The following MME variants were observed in gnomAD, a reference collection of about 807,000 sequenced individuals.
MME encodes the protein membrane metalloendopeptidase.
Under a neutral mutation model 113.2 loss-of-function variants are expected in MME, and 98 were observed. The observed-to-expected ratio is 0.87, with a 90% CI of 0.74 to 1.02. The LOEUF is 1.02. MME is among the 50% of genes least tolerant of loss of function. MME has a pLI of 0.00. For synonymous variants in MME, 292 were observed against 300.6 expected (o/e 0.97, Z 0.30); for missense variants, 836 against 896.0 (o/e 0.93, Z 0.86).
At chr3:155,151,194 A>G (rs908080899) in intron 16 of MME, among the ~76,000 whole-genome samples, 1 of 152,174 alleles carries the variant, frequency 6.6e-6, no homozygotes. Context: ...ACTTGTCCAC[A>G]TAGCCCGTAG....
chr3:155,088,639 C>T lies in MME; in HGVS notation c.196+3545C>T, dbSNP rs752765644. Reference sequence around the variant, plus strand: ...TGGAGGTTGCAGTGAGCTGAGATTGCGCCATTGCACTACAGCCTGGGCAAC... The same window carrying T: ...TGGAGGTTGCAGTGAGCTGAGATTGTGCCATTGCACTACAGCCTGGGCAAC... On this transcript the variant is annotated intron_variant, in intron 3 of 22. Transcript: ENST00000360490. Among the ~76,000 whole-genome samples the T allele has an allele frequency of 4.8e-5, 7 of 146,386 alleles. No homozygotes were observed. In the East Asian group the frequency reaches 8.1e-4, roughly 17 times the overall value.
chr3:155,094,487 A>T (rs972587028), intron 3 of MME, among the ~76,000 whole-genome samples: 1 of 152,226 alleles, frequency 6.6e-6, no homozygotes, highest in Non-Finnish European at 1.5e-5. Flanking sequence ...ACTATTTAAA[A>T]TTTTTTATTG....
intron 16 of MME, among the ~76,000 whole-genome samples, chr3:155,152,641 G>A (rs931288353): frequency 1.3e-5 from 2 of 152,102 alleles, no homozygotes; most frequent in African/African-American, 4.8e-5. Flanking sequence ...AGGAGTTTGA[G>A]ACCAGCCTGG....
At chr3:155,102,396 C>A (rs959346819) in intron 3 of MME, among the ~76,000 whole-genome samples, 8 of 151,994 alleles carry the variant, frequency 5.3e-5, no homozygotes, top group Non-Finnish European at 7.4e-5. Context: ...CTTGAAATAC[C>A]CTTTGAGTCA....
intron 14 of MME, among the ~76,000 whole-genome samples, chr3:155,146,730 T>C (rs1271025672): frequency 9.2e-5 from 14 of 152,056 alleles, no homozygotes; most frequent in Non-Finnish European, 1.8e-4. Flanking sequence ...TATAAGCCCA[T>C]ATCTGTTTTC....
At chr3:155,154,420 C>T (rs1722169598) in intron 16 of MME, among the ~76,000 whole-genome samples, 1 of 152,156 alleles carries the variant, frequency 6.6e-6, no homozygotes, top group African/African-American at 2.4e-5. Flanking sequence ...CCATTCACAA[C>T]CTGTGGCCTT....
At chr3:155,048,306 A>C (rs1713635626) in intron 1 of MME, among the ~76,000 whole-genome samples, 1 of 152,184 alleles carries the variant, frequency 6.6e-6, no homozygotes, top group South Asian at 2.1e-4. Flanking sequence ...CAAAGGAAAA[A>C]TCAATTAACA....
chr3:155,110,508 T>G (rs1191759421), intron 3 of MME, among the ~76,000 whole-genome samples: 1 of 152,218 alleles, frequency 6.6e-6, no homozygotes, highest in Non-Finnish European at 1.5e-5. Context: ...GAACTTGCTT[T>G]TAAATTCCTA....
chr3:155,054,363 T>C (rs1022378561), intron 1 of MME, among the ~76,000 whole-genome samples: 5 of 152,198 alleles, frequency 3.3e-5, no homozygotes, highest in Non-Finnish European at 7.3e-5. Context: ...CTTCCTCTCA[T>C]GTTACTGAGA....
At chr3:155,031,762 A>G (rs1170343618) in intron 1 of MME, among the ~76,000 whole-genome samples, 3 of 152,128 alleles carry the variant, frequency 2.0e-5, no homozygotes, top group African/African-American at 7.2e-5. Flanking sequence ...GGTTCAAGTG[A>G]TTCTCCTGCC....
chr3:155,090,503 A>T (rs750609887), intron 3 of MME: 8 of 152,218 alleles, frequency 5.3e-5, no homozygotes, highest in Non-Finnish European at 1.2e-4. Context: ...AACGATTATA[A>T]TATTATTCCA....
At chr3:155,138,317 TA>T in intron 9 of MME, 81 bp downstream of exon 9, 1 of 1,433,630 alleles carries the variant, frequency 7.0e-7, no homozygotes, top group Non-Finnish European at 9.8e-7. Context: ...ACTTTAAGAG[TA>T]AAAGGTACAG....
rs1490044901 is a variant in MME, at chr3:155,090,008, A to G, written c.196+4914A>G. 4 of 292,346 alleles carry G rather than the reference A, an allele frequency of 1.4e-5. 1 individual carries two copies. In the Admixed American group the frequency reaches 1.5e-4, roughly 11 times the overall value. 18.1% of individuals were successfully genotyped at this position (292,346 alleles called of 1,614,324 possible). ...AGAATTGAGGGGTCTGCAGAAGCAT[A>G]TGTTAGAAGTGTGGTCCTAAATTAT... On this transcript the variant is annotated intron_variant, in intron 3 of 22. Transcript: ENST00000360490.
chr3:155,140,201 A>G lies in MME; in HGVS notation c.866A>G (p.Lys289Arg). Residue 289 changes from lysine (K) to arginine (R), a missense_variant, in exon 10 of 23, where the codon AAA (lysine) becomes AGA (arginine). By Grantham distance (26) the Lys-to-Arg change is conservative. Coordinates refer to ENST00000360490, the MANE Select transcript of MME (RefSeq NM_007289.4). ...LEKEIANATA[K>R]PEDRNDPMLL... ...AAATTAAATCCATAGGCTACGGCTA[A>G]ACCTGAAGATCGAAATGATCCAATG... is the stretch of plus-strand genomic sequence containing the variant. The G allele has an allele frequency of 6.2e-7, 1 of 1,610,960 alleles. No individual in the cohort carries two copies. Among genetic ancestry groups the G allele is most frequent in the South Asian group, 1.1e-5 (1 of 90,578 alleles).
chr3:155,172,882 C>T (rs1447240124), intron 22 of MME, among the ~76,000 whole-genome samples: 1 of 152,002 alleles, frequency 6.6e-6, no homozygotes, highest in African/African-American at 2.4e-5. Context: ...ACAAAGATGT[C>T]GCCTCAGAAC....
intron 3 of MME, 139 bp from the exon 4 acceptor site, chr3:155,114,855 G>A: frequency 2.5e-6 from 2 of 795,642 alleles, no homozygotes; most frequent in Admixed American, 4.2e-5. Flanking sequence ...TCATCCCCCT[G>A]AATTGACTTA....
chr3:155,043,407 C>G (rs1243898749), intron 1 of MME, among the ~76,000 whole-genome samples: 1 of 151,646 alleles, frequency 6.6e-6, no homozygotes, highest in Non-Finnish European at 1.5e-5. Flanking sequence ...TCTTGGCTCA[C>G]TGCAACCTCC....
rs1713102947 is a variant in MME, at chr3:155,181,660, T to C, written c.*1201T>C. The C allele has an allele frequency of 6.6e-6, 1 of 152,150 alleles. No homozygotes were observed. Among genetic ancestry groups the C allele is most frequent in the South Asian group, 2.1e-4 (1 of 4,828 alleles). 9.4% of individuals were successfully genotyped at this position (152,150 alleles called of 1,614,324 possible). A position where few individuals can be genotyped will look rare whatever the true frequency, so the allele number is the denominator to read the frequency against. On this transcript the variant is annotated 3_prime_UTR_variant, in exon 23 of 23. Transcript: ENST00000360490. ...CTGAATAGAAATGGGAGGCCTCTGA[T>C]GGACCTTCTAGAATTATAAGTCACA...
intron 3 of MME, among the ~76,000 whole-genome samples, chr3:155,096,951 G>C (rs1716792983): frequency 6.6e-6 from 1 of 152,162 alleles, no homozygotes; most frequent in Admixed American, 6.5e-5. Flanking sequence ...GGACAGATTT[G>C]AGAAATATTT....
Sources: allele counts gnomAD v4.1 joint callset (sites outside exome capture counted in the v4.1 genomes callset), GRCh38; gene constraint gnomAD v4.1.1; transcripts MANE v1.5; gene names NCBI Gene and HGNC (gene_info 2026-07-23, HGNC 2026-07-21).